PLXNA4: variants seen among roughly 807,000 people sequenced by gnomAD.
PLXNA4 encodes the protein plexin-A4.
Under a neutral mutation model 191.8 loss-of-function variants are expected in PLXNA4, and 44 were observed. The observed-to-expected ratio is 0.23, with a 90% CI of 0.18 to 0.29. The LOEUF (loss-of-function observed/expected upper bound fraction) is 0.29, where lower values mean the gene tolerates loss of function less well. Among genes scored for constraint, PLXNA4 ranks in the 10% least tolerant of loss-of-function variants. The pLI, the probability that PLXNA4 is intolerant of heterozygous loss-of-function variation, is 1.00. For missense variants in PLXNA4, 1,800 were observed against 2,488.8 expected, an observed-to-expected ratio of 0.72 and a Z score of 5.89; for synonymous variants, 1,082 against 1,009.5, an observed-to-expected ratio of 1.07 and a Z score of -1.36.
intron 12 of PLXNA4, among the ~76,000 whole-genome samples, chr7:132,200,331 G>A (rs1031377904): frequency 2.0e-5 from 3 of 152,176 alleles, no homozygotes; most frequent in Non-Finnish European, 4.4e-5. Flanking sequence ...TGAGGGCTCT[G>A]GGAGGAGCCG....
chr7:132,176,547 AGTGT>A (rs1196952294), intron 20 of PLXNA4, among the ~76,000 whole-genome samples: 1 of 150,610 alleles, frequency 6.6e-6, no homozygotes, highest in Non-Finnish European at 1.5e-5. Flanking sequence ...TGAGTGTGAC[AGTGT>A]GTGAGCATGT....
chr7:132,502,481 T>C (rs1401520941), intron 2 of PLXNA4, among the ~76,000 whole-genome samples: 9 of 152,158 alleles, frequency 5.9e-5, no homozygotes, highest in Admixed American at 5.9e-4. Context: ...ACGAGAGGCT[T>C]CTGGAAATGT....
chr7:132,259,482 G>GAAAAAAAAA (rs1414792493), intron 4 of PLXNA4, among the ~76,000 whole-genome samples: 37 of 111,298 alleles, frequency 3.3e-4, no homozygotes, highest in East Asian at 5.5e-4. Context: ...AAGAAAAAAG[G>GAAAAAAAAA]AAAAAAGAAA....
intron 4 of PLXNA4, among the ~76,000 whole-genome samples, chr7:132,252,993 T>C (rs1799307648): frequency 6.6e-6 from 1 of 152,206 alleles, no homozygotes; most frequent in Non-Finnish European, 1.5e-5. Flanking sequence ...AAGACAACTG[T>C]GCAGCTGTGT....
At chr7:132,467,689 C>A (rs1796761795) in intron 3 of PLXNA4, among the ~76,000 whole-genome samples, 1 of 152,234 alleles carries the variant, frequency 6.6e-6, no homozygotes, top group South Asian at 2.1e-4. Flanking sequence ...GGGACCCAGA[C>A]TCCCAGCCTA....
chr7:132,482,195 C>G (rs112279299), intron 3 of PLXNA4, among the ~76,000 whole-genome samples: 2,275 of 152,292 alleles, frequency 0.015, 33 homozygotes, highest in Middle Eastern at 0.051. Flanking sequence ...GCTGGACCCA[C>G]TAGCTGGCTT....
chr7:132,563,162 C>T (rs1331474127), intron 1 of PLXNA4, among the ~76,000 whole-genome samples: 1 of 79,960 alleles, frequency 1.3e-5, no homozygotes, highest in Non-Finnish European at 2.8e-5. Flanking sequence ...TTCTCCTCCT[C>T]CTCCTTCTCC....
chr7:132,187,211 G>A (rs1270879434), intron 15 of PLXNA4, among the ~76,000 whole-genome samples: 2 of 151,984 alleles, frequency 1.3e-5, no homozygotes, highest in East Asian at 3.9e-4. Context: ...AAAAACCCTA[G>A]TCTCCAAATT....
chr7:132,482,695 C>CTTTT lies in PLXNA4; in HGVS notation c.1371+6593_1371+6596dup, dbSNP rs11448338. Among the ~76,000 whole-genome samples, 10 of 141,252 alleles carry CTTTT rather than the reference C, an allele frequency of 7.1e-5. 1 individual carries two copies. Among genetic ancestry groups the CTTTT allele is most frequent in the African/African-American group, 2.4e-4 (9 of 37,908 alleles). 92.7% of individuals were successfully genotyped at this position (141,252 alleles called of 152,430 possible). ...GAGTGAGTGTGGGAGCTTCGAGAAA[C>CTTTT]TTTTTTTTTTTTTTTGAGATGGAGT... On this transcript the variant is annotated intron_variant, in intron 3 of 31. Transcript: ENST00000321063.
intron 8 of PLXNA4, among the ~76,000 whole-genome samples, chr7:132,225,426 C>T (rs765803235): frequency 3.9e-5 from 6 of 152,208 alleles, no homozygotes; most frequent in South Asian, 2.1e-4. Flanking sequence ...ATTTGTGTGA[C>T]GCCCTTGGAA....
rs531958792 is a variant in PLXNA4, at chr7:132,169,834, A to G, written c.4018-1262T>C. Among the ~76,000 whole-genome samples the G allele has an allele frequency of 1.9e-4, 29 of 151,966 alleles. 1 individual carries two copies. The highest frequency in any genetic ancestry group is 6.3e-4 in the South Asian group (3 of 4,798). On this transcript the variant is annotated intron_variant, in intron 21 of 31. Coordinates refer to ENST00000321063, the MANE Select transcript of PLXNA4 (RefSeq NM_020911.2). ...CGCTGACAATTTGTGCGTGATTTGT[A>G]TGCATGCTTCTGTTAAACCAAAAGA...
intron 4 of PLXNA4, among the ~76,000 whole-genome samples, chr7:132,282,626 A>G (rs1800524597): frequency 9.0e-5 from 3 of 33,178 alleles, no homozygotes; most frequent in African/African-American, 4.6e-4. Context: ...AAAAAAAAAA[A>G]AAAAAAAAAA....
In PLXNA4 at chr7:132,251,052, T is replaced by A. The variant is rs945498610; in HGVS notation, c.1504-9886A>T. On this transcript the variant is annotated intron_variant, in intron 4 of 31. Coordinates refer to ENST00000321063, the MANE Select transcript of PLXNA4 (RefSeq NM_020911.2). ...TCAAAGTGCTGCTCCTGTTCCAGCC[T>A]TTTTTTTTTTTTTTTTGACTCTGTG... Among the ~76,000 whole-genome samples the A allele has an allele frequency of 9.7e-3, 168 of 17,330 alleles. 5 individuals carry two copies. The South Asian group carries it at 0.31, about 31-fold the overall frequency. 11.4% of individuals were successfully genotyped at this position (17,330 alleles called of 152,430 possible). A position where few individuals can be genotyped will look rare whatever the true frequency, so the allele number is the denominator to read the frequency against.
intron 2 of PLXNA4, among the ~76,000 whole-genome samples, chr7:132,611,724 T>A (rs1338302070): frequency 6.6e-6 from 1 of 151,854 alleles, no homozygotes; most frequent in Non-Finnish European, 1.5e-5. Context: ...AAAAGAGGAG[T>A]CCAGATACCT....
At chr7:132,228,821 G>A (rs1487043311) in intron 5 of PLXNA4, among the ~76,000 whole-genome samples, 1 of 152,104 alleles carries the variant, frequency 6.6e-6, no homozygotes, top group Non-Finnish European at 1.5e-5. Context: ...CCAGAGATTT[G>A]TTTTCTTCAT....
chr7:132,264,836 T>A (rs920880477), intron 4 of PLXNA4, among the ~76,000 whole-genome samples: 3 of 152,124 alleles, frequency 2.0e-5, no homozygotes, highest in Non-Finnish European at 4.4e-5. Flanking sequence ...TAGCTGGGAT[T>A]ACAGGCGCCT....
chr7:132,373,580 C>G (rs1231196570), intron 3 of PLXNA4, among the ~76,000 whole-genome samples: 4 of 152,194 alleles, frequency 2.6e-5, no homozygotes, highest in Admixed American at 1.3e-4. Context: ...CATCAATGCT[C>G]TAAAGCTGGG....
chr7:132,407,096 T>G (rs1197382767), intron 3 of PLXNA4, among the ~76,000 whole-genome samples: 2 of 152,226 alleles, frequency 1.3e-5, no homozygotes, highest in Admixed American at 1.3e-4. Context: ...CCCTGACTGA[T>G]GCACCTGCAA....
intron 3 of PLXNA4, among the ~76,000 whole-genome samples, chr7:132,398,492 T>C (rs1036322877): frequency 1.2e-4 from 19 of 152,174 alleles, no homozygotes; most frequent in African/African-American, 4.3e-4. Context: ...ATGCCGTCCA[T>C]GCCCGGTCTG....
Sources: gnomAD v4.1 joint callset for allele counts (sites outside exome capture counted in the v4.1 genomes callset) on GRCh38, gnomAD v4.1.1 for gene constraint, MANE v1.5 for transcripts, NCBI Gene and HGNC (gene_info 2026-07-23, HGNC 2026-07-21) for gene names.